PRKDC: variants seen among roughly 807,000 people sequenced by gnomAD.
PRKDC encodes the protein protein kinase, DNA-activated, catalytic subunit, also known as DNA-dependent protein kinase catalytic subunit.
In PRKDC, 82 loss-of-function variants were observed where a neutral mutation model predicts 486.9. The observed-to-expected ratio is 0.17, with a 90% CI of 0.14 to 0.20. The LOEUF is 0.20. PRKDC is among the 10% of genes least tolerant of loss of function. PRKDC has a pLI of 1.00. For missense variants in PRKDC, 4,504 were observed against 5,038.2 expected, an observed-to-expected ratio of 0.89 and a Z score of 3.21; for synonymous variants, 1,895 against 1,837.0, an observed-to-expected ratio of 1.03 and a Z score of -0.81.
At chr8:47,783,297 A>G (rs1024831872) in intron 78 of PRKDC, among the ~76,000 whole-genome samples, 1 of 150,756 alleles carries the variant, frequency 6.6e-6, no homozygotes, top group African/African-American at 2.4e-5. Context: ...AAAAGAAAAA[A>G]AAAAAAAAAG....
intron 25 of PRKDC, among the ~76,000 whole-genome samples, chr8:47,911,474 A>G (rs1394310132): frequency 2.0e-5 from 3 of 152,184 alleles, no homozygotes; most frequent in Admixed American, 6.5e-5. Flanking sequence ...CGTTAAATCT[A>G]TTTCTGTGGT....
chr8:47,774,074 T>C lies in PRKDC; in HGVS notation c.*99A>G. The C allele has an allele frequency of 8.2e-7, 1 of 1,217,296 alleles. No individual in the cohort carries two copies. Among genetic ancestry groups the C allele is most frequent in the Non-Finnish European group, 1.1e-6 (1 of 890,906 alleles). The allele number at this position is 1,217,296 out of a possible 1,614,324, so 75.4% of individuals were successfully genotyped here. A position where few individuals can be genotyped will look rare whatever the true frequency, so the allele number is the denominator to read the frequency against. Reference sequence around the variant, plus strand: ...CTGTAGCACAAAAGACATTTCTCTTTAGTGTTTCAGGAAAATCAGCTCATG... The same window carrying C: ...CTGTAGCACAAAAGACATTTCTCTTCAGTGTTTCAGGAAAATCAGCTCATG... On this transcript the variant is annotated 3_prime_UTR_variant, in exon 86 of 86. Transcript: ENST00000314191.
rs2087311032 is a variant in PRKDC, at chr8:47,810,885, G to T, written c.9558-3559C>A. On this transcript the variant is annotated intron_variant, in intron 68 of 85. Transcript: ENST00000314191. ...ATCAATAGAAATGATCTAATCTGAT[G>T]AATAAACAACAAAAAAAGACAATAA... is the stretch of plus-strand genomic sequence containing the variant. Among the ~76,000 whole-genome samples, 3 of 152,216 alleles carry T rather than the reference G, an allele frequency of 2.0e-5. No individual in the cohort carries two copies. In the South Asian group the frequency reaches 6.2e-4, roughly 32 times the overall value.
At chr8:47,836,240 CCTTA>C (rs1362472849) in intron 58 of PRKDC, 94 bp downstream of exon 58, 1 of 1,206,256 alleles carries the variant, frequency 8.3e-7, no homozygotes, top group Non-Finnish European at 1.1e-6. Flanking sequence ...TGCTATTATC[CCTTA>C]CTTCTCTCAC....
intron 52 of PRKDC, among the ~76,000 whole-genome samples, chr8:47,851,134 T>C (rs1382334238): frequency 1.3e-5 from 2 of 152,248 alleles, no homozygotes; most frequent in Non-Finnish European, 2.9e-5. Flanking sequence ...TTATGTTTAC[T>C]CTGCTTTCCA....
chr8:47,842,904 C>A (rs368622589), intron 54 of PRKDC, among the ~76,000 whole-genome samples: 14 of 152,174 alleles, frequency 9.2e-5, no homozygotes, highest in Non-Finnish European at 1.6e-4. Context: ...TGGATCACAC[C>A]TGTAATCCCC....
At chr8:47,954,909 A>T (rs184597937) in intron 4 of PRKDC, among the ~76,000 whole-genome samples, 1 of 152,268 alleles carries the variant, frequency 6.6e-6, no homozygotes, top group Non-Finnish European at 1.5e-5. Flanking sequence ...TAATCCTAGC[A>T]CTTTGGGAGG....
intron 54 of PRKDC, among the ~76,000 whole-genome samples, chr8:47,847,206 C>T (rs2088286959): frequency 6.6e-6 from 1 of 152,044 alleles, no homozygotes; most frequent in Admixed American, 6.6e-5. Flanking sequence ...GCAAAAAGAA[C>T]AAAGCCAGAA....
chr8:47,780,972 A>C (rs2086690120), intron 80 of PRKDC, among the ~76,000 whole-genome samples: 1 of 152,192 alleles, frequency 6.6e-6, no homozygotes, highest in African/African-American at 2.4e-5. Context: ...TGAATTAAGA[A>C]AAAAAACAGC....
At chr8:47,923,812 A>C (rs952437656) in intron 21 of PRKDC, among the ~76,000 whole-genome samples, 3 of 152,186 alleles carry the variant, frequency 2.0e-5, no homozygotes, top group Admixed American at 6.5e-5. Flanking sequence ...TCCTGCCAAC[A>C]ACCTAGATGG....
intron 40 of PRKDC, among the ~76,000 whole-genome samples, chr8:47,876,012 C>T (rs2089084614): frequency 6.6e-6 from 1 of 152,144 alleles, no homozygotes; most frequent in Admixed American, 6.5e-5. Context: ...TAAGAGATCA[C>T]ATATTGTATG....
intron 57 of PRKDC, 81 bp downstream of exon 57, chr8:47,837,131 A>C (rs1229469607): frequency 2.6e-5 from 35 of 1,355,678 alleles, no homozygotes; most frequent in Non-Finnish European, 3.6e-5. Context: ...GAAGGCAAAG[A>C]GCCAGTCAAA....
chr8:47,953,135 T>C (rs939865785), intron 7 of PRKDC, among the ~76,000 whole-genome samples: 2 of 151,744 alleles, frequency 1.3e-5, no homozygotes, highest in African/African-American at 4.8e-5. Flanking sequence ...AGCGAGACTC[T>C]GTTTAAAAAA....
chr8:47,854,303 G>T, intron 50 of PRKDC, 89 bp from the exon 51 acceptor site: 1 of 1,434,562 alleles, frequency 7.0e-7, no homozygotes, highest in Non-Finnish European at 9.6e-7. Flanking sequence ...ATTTTTTTGA[G>T]ACAGAGTCTG....
chr8:47,787,121 G>T (rs1338297197), intron 76 of PRKDC, among the ~76,000 whole-genome samples: 1 of 152,110 alleles, frequency 6.6e-6, no homozygotes, highest in Admixed American at 6.6e-5. Flanking sequence ...ATATTTACTT[G>T]AATTATAAAT....
In PRKDC at chr8:47,810,685, A is replaced by T. The variant is rs1453105226; in HGVS notation, c.9558-3359T>A. Among the ~76,000 whole-genome samples, 3 of 152,222 alleles carry T rather than the reference A, an allele frequency of 2.0e-5. 1 individual carries two copies. Among genetic ancestry groups the T allele is most frequent in the Non-Finnish European group, 4.4e-5 (3 of 68,042 alleles). On this transcript the variant is annotated intron_variant, in intron 68 of 85. Transcript: ENST00000314191. ...TGCTCCAGGAGGTCAAGAAAAACAC[A>T]CATGCAATAAATGAAAAGGTGCGCA...
At chr8:47,920,864 G>C (rs113998912) in intron 21 of PRKDC, among the ~76,000 whole-genome samples, 43 of 152,196 alleles carry the variant, frequency 2.8e-4, no homozygotes, top group African/African-American at 1.0e-3. Flanking sequence ...ATAATTGAGT[G>C]GCATTAATTA....
In PRKDC at chr8:47,918,322, A is replaced by C. The variant is rs1293368850; in HGVS notation, c.2481T>G (p.Asn827Lys). The C allele has an allele frequency of 1.3e-6, 2 of 1,596,660 alleles. No homozygotes were observed. The highest frequency in any genetic ancestry group is 3.4e-5 in the Admixed American group (2 of 58,048). Residue 827 changes from asparagine (N) to lysine (K), a missense_variant, in exon 22 of 86, where the codon AAT becomes AAG. Physicochemically the swap from Asn to Lys is moderately conservative, Grantham distance 94. Transcript: ENST00000314191. ...ALSRAAQKGFNKVVLKHLKKT... is the reference protein window; with the variant it reads ...ALSRAAQKGFKKVVLKHLKKT... ...TCTTCAGATGCTTTAACACCACTTT[A>C]TTAAATCCTTTCTGGGCAGCCCGAG...
intron 38 of PRKDC, among the ~76,000 whole-genome samples, chr8:47,880,230 T>G (rs2089183883): frequency 6.6e-6 from 1 of 152,194 alleles, no homozygotes; most frequent in South Asian, 2.1e-4. Context: ...ATGGTGCTGA[T>G]TCGGTATGTG....
Sources: gnomAD v4.1 joint callset for allele counts (sites outside exome capture counted in the v4.1 genomes callset) on GRCh38, gnomAD v4.1.1 for gene constraint, MANE v1.5 for transcripts, NCBI Gene and HGNC (gene_info 2026-07-23, HGNC 2026-07-21) for gene names.